The following PPIL6 variants were observed in gnomAD, a reference collection of about 807,000 sequenced individuals.
PPIL6 encodes peptidylprolyl isomerase like 6, also known as probable inactive peptidyl-prolyl cis-trans isomerase-like 6.
In PPIL6, 39 loss-of-function variants were observed where a neutral mutation model predicts 36.8. The ratio of observed to expected loss-of-function variants is 1.06; its 90% CI spans 0.82 to 1.38. The LOEUF is 1.38. Among genes scored for constraint, PPIL6 ranks in the 40% most tolerant of loss-of-function variants. The probability of loss-of-function intolerance (pLI) is 0.00; values close to 1 mark genes in which losing one functional copy is unlikely to be tolerated. For missense variants in PPIL6, 368 were observed against 379.1 expected (o/e 0.97, Z 0.24); for synonymous variants, 123 against 134.1 (o/e 0.92, Z 0.57).
intron 2 of PPIL6, among the ~76,000 whole-genome samples, chr6:109,432,491 C>T (rs964102868): frequency 2.0e-5 from 3 of 152,130 alleles, no homozygotes; most frequent in African/African-American, 7.2e-5. Flanking sequence ...AACAGCCATG[C>T]TCAAACTTTC....
At chr6:109,431,389 G>T in intron 2 of PPIL6, 44 bp from the exon 3 acceptor site, 1 of 1,440,126 alleles carries the variant, frequency 6.9e-7, no homozygotes, top group Non-Finnish European at 9.5e-7. Flanking sequence ...GTAAGAAGTG[G>T]GGGGAAAACT....
chr6:109,394,595 T>C (rs1260249452), intron 7 of PPIL6, among the ~76,000 whole-genome samples: 2 of 152,150 alleles, frequency 1.3e-5, no homozygotes, highest in African/African-American at 4.8e-5. Context: ...TGAGCCTTTA[T>C]AGGAGCATGG....
intron 1 of PPIL6, among the ~76,000 whole-genome samples, chr6:109,437,550 T>C (rs1774517705): frequency 2.6e-5 from 1 of 38,808 alleles, no homozygotes; most frequent in African/African-American, 2.7e-4. Context: ...TTTCTTTTCT[T>C]TTTTTTTTTT....
intron 7 of PPIL6, 140 bp downstream of exon 7, chr6:109,399,895 T>G: frequency 1.7e-6 from 1 of 575,468 alleles, no homozygotes; most frequent in Admixed American, 3.6e-5. Context: ...CTTAAATACT[T>G]TTGTCTCTAT....
rs577208125 is a variant in PPIL6, at chr6:109,419,821, A to G, written c.632-578T>C. On this transcript the variant is annotated intron_variant, in intron 5 of 7. Transcript: ENST00000521072. ...ATATCCACACTATGAAAATATTACT[A>G]TAATAATTTCACTTGTATTTTATAA... Among the ~76,000 whole-genome samples, 6 of 152,330 alleles carry G rather than the reference A, an allele frequency of 3.9e-5. No homozygotes were observed. The South Asian group carries it at 6.2e-4, about 16-fold the overall frequency.
chr6:109,400,860 A>AT (rs994867120), intron 6 of PPIL6, among the ~76,000 whole-genome samples: 34 of 149,882 alleles, frequency 2.3e-4, no homozygotes, highest in Admixed American at 3.3e-4. Context: ...TTCAAATAAA[A>AT]TTTTTTTTTT....
rs1384658287 is a variant in PPIL6 at position 109,419,218 on chromosome 6, A to C, written c.657T>G (p.Asn219Lys). The C allele has an allele frequency of 6.4e-7, 1 of 1,565,686 alleles. No individual in the cohort carries two copies. The highest frequency in any genetic ancestry group is 1.4e-5 in the African/African-American group (1 of 73,946). ...GGDIVYGKGD[N>K]GESIYGPTFE... ...ATGTTGGACCATAAATCGACTCTCC[A>C]TTATCTCCTTTTCCATACACTATAT... is the stretch of plus-strand genomic sequence containing the variant. The change falls in exon 6 of 8, where the codon AAT becomes AAG. Residue 219 changes from asparagine to lysine, a missense_variant. By Grantham distance (94) the Asn-to-Lys change is moderately conservative. Coordinates refer to ENST00000521072, the MANE Select transcript of PPIL6 (RefSeq NM_173672.5).
chr6:109,393,448 A>G (rs1200949990), intron 7 of PPIL6, among the ~76,000 whole-genome samples: 3 of 151,254 alleles, frequency 2.0e-5, no homozygotes, highest in Non-Finnish European at 4.4e-5. Flanking sequence ...CTGGTCTTGA[A>G]CTCCTGGCCT....
At chr6:109,432,341 A>C (rs1313541373) in intron 2 of PPIL6, among the ~76,000 whole-genome samples, 1 of 152,126 alleles carries the variant, frequency 6.6e-6, no homozygotes, top group Non-Finnish European at 1.5e-5. Flanking sequence ...GCCCCTCAAA[A>C]TGCAGTGTGT....
Position 109,426,907 on chromosome 6 carries a change from G to A in PPIL6, c.571C>T (p.Leu191=). Residue 191 remains leucine (L), a synonymous_variant, in exon 5 of 8, where the codon CTA becomes TTA. Transcript: ENST00000521072. ...TGAAAAATGGAATTTTTGTAATGTA[G>A]TCTTATGCCACGTTGAGAAAACCCT... ...KAGFSQRGIR[L]HYKNSIFHRI... is the part of the protein sequence containing the mutation. 1 of 1,607,508 alleles carries A rather than the reference G, an allele frequency of 6.2e-7. No homozygotes were observed. Among genetic ancestry groups the A allele is most frequent in the Non-Finnish European group, 8.5e-7 (1 of 1,174,924 alleles).
Position 109,392,842 on chromosome 6 carries a change from C to T in PPIL6, c.920G>A (p.Gly307Glu), listed in dbSNP as rs774918934. The T allele has an allele frequency of 3.2e-6, 5 of 1,559,440 alleles. No homozygotes were observed. The highest frequency in any genetic ancestry group is 4.4e-6 in the Non-Finnish European group (5 of 1,137,368). The change falls in exon 8 of 8, where the codon GGA (glycine) becomes GAA (glutamate). Residue 307 changes from glycine to glutamate, a missense_variant. Physicochemically the swap from Gly to Glu is moderately conservative, Grantham distance 98 (BLOSUM62 -2). Coordinates refer to ENST00000521072, the MANE Select transcript of PPIL6 (RefSeq NM_173672.5). ...ATATGAAAATCAAGCATAAGGATCTCCACTGTCAGTAATTCTACACATATG... is the reference window on the plus strand; with the variant it reads ...ATATGAAAATCAAGCATAAGGATCTTCACTGTCAGTAATTCTACACATATG... ...PIHMCRITDS[G>E]DPYA
rs745756433 is a variant in PPIL6 at position 109,392,724 on chromosome 6, C to T, written c.*102G>A. The T allele has an allele frequency of 1.3e-4, 89 of 705,496 alleles. No homozygotes were observed. In the Middle Eastern group the frequency reaches 1.6e-3, roughly 13 times the overall value. 43.7% of individuals were successfully genotyped at this position (705,496 alleles called of 1,614,324 possible). ...ATGAGGCAACCTACAGTGTCTGCCACGGCTTTCAAATTACAATTTATCAAG... is the reference window on the plus strand; with the variant it reads ...ATGAGGCAACCTACAGTGTCTGCCATGGCTTTCAAATTACAATTTATCAAG... On this transcript the variant is annotated 3_prime_UTR_variant, in exon 8 of 8. Transcript: ENST00000521072.
rs1450737249 is a variant in PPIL6 at position 109,405,648 on chromosome 6, C to T, written c.689-5478G>A. On this transcript the variant is annotated intron_variant, in intron 6 of 7. Transcript: ENST00000521072. ...TTTCGCCCCCACTTACATTCTTCCA[C>T]CATGAGAAACACTAGGGAAATGAAA... is the stretch of plus-strand genomic sequence containing the variant. 3.3e-5 allele frequency among the ~76,000 whole-genome samples: 5 copies of T among 152,192 alleles called. No homozygotes were observed. In the East Asian group the frequency reaches 9.6e-4, roughly 29 times the overall value.
At position 109,418,899 on chromosome 6, in the gene PPIL6, G is replaced by A. The variant is rs1773401701; in HGVS notation, c.688+288C>T. Among the ~76,000 whole-genome samples the A allele has an allele frequency of 3.3e-5, 5 of 152,064 alleles. No homozygotes were observed. In the South Asian group the frequency reaches 8.3e-4, roughly 25 times the overall value. ...AGGTACCAGTTCTAAGTATCAGCAC[G>A]GGAAATTACAAGCCCTAAAAATATA... On this transcript the variant is annotated intron_variant, in intron 6 of 7. Transcript: ENST00000521072.
intron 6 of PPIL6, among the ~76,000 whole-genome samples, chr6:109,414,042 C>T (rs1013643347): frequency 7.2e-5 from 11 of 151,994 alleles, no homozygotes; most frequent in East Asian, 3.8e-4. Flanking sequence ...AGTAAGACCT[C>T]GTATTTGATA....
At chr6:109,435,742 T>C (rs1020582160) in intron 2 of PPIL6, among the ~76,000 whole-genome samples, 1 of 152,060 alleles carries the variant, frequency 6.6e-6, no homozygotes, top group Non-Finnish European at 1.5e-5. Context: ...CTGGGCAACA[T>C]GGTGAAACCC....
intron 6 of PPIL6, among the ~76,000 whole-genome samples, chr6:109,409,377 C>T (rs1772923119): frequency 6.6e-6 from 1 of 152,122 alleles, no homozygotes; most frequent in African/African-American, 2.4e-5. Context: ...GCCTGGCCAA[C>T]ATGGTGAAAC....
chr6:109,431,024 A>G (rs1774115927), intron 3 of PPIL6, 133 bp downstream of exon 3: 5 of 660,288 alleles, frequency 7.6e-6, no homozygotes, highest in African/African-American at 1.8e-5. Flanking sequence ...TGCAAATGGA[A>G]ATGGAACTAG....
At chr6:109,436,717 T>C (rs112593411) in intron 1 of PPIL6, among the ~76,000 whole-genome samples, 7 of 152,078 alleles carry the variant, frequency 4.6e-5, no homozygotes, top group African/African-American at 1.7e-4. Flanking sequence ...TGGGACTCTA[T>C]TTCAAAAAAC....
Sources: gnomAD v4.1 joint callset for allele counts (sites outside exome capture counted in the v4.1 genomes callset) on GRCh38, gnomAD v4.1.1 for gene constraint, MANE v1.5 for transcripts, NCBI Gene and HGNC (gene_info 2026-07-23, HGNC 2026-07-21) for gene names.